Variants in GABRB1 observed in about 807,000 individuals in gnomAD.
GABRB1 encodes gamma-aminobutyric acid receptor subunit beta-1.
In GABRB1, 17 loss-of-function variants were observed where a neutral mutation model predicts 51.6. The observed-to-expected ratio is 0.33, with a 90% CI of 0.23 to 0.49. The LOEUF is 0.49. GABRB1 is among the 20% of genes least tolerant of loss of function. The probability of loss-of-function intolerance (pLI) is 0.99; values close to 1 mark genes in which losing one functional copy is unlikely to be tolerated. For missense variants in GABRB1, 410 were observed against 600.6 expected (o/e 0.68, Z 3.32); for synonymous variants, 247 against 218.9 (o/e 1.13, Z -1.14).
At chr4:47,185,060 T>A (rs564305489) in intron 4 of GABRB1, among the ~76,000 whole-genome samples, 1 of 151,956 alleles carries the variant, frequency 6.6e-6, no homozygotes, top group Non-Finnish European at 1.5e-5. Flanking sequence ...AGGCAATAAA[T>A]GTATCTTTAA....
rs147553239 is a variant in GABRB1, at chr4:47,161,422, T to C, written c.414T>C (p.Asn138=). Residue 138 remains asparagine (N), a synonymous_variant, in exon 4 of 9, where the codon AAT becomes AAC. Coordinates refer to ENST00000295454, the MANE Select transcript of GABRB1 (RefSeq NM_000812.4). ...TTGTGCATGGGGTCACAGTGAAAAA[T>C]CGAATGATTCGACTGCATCCTGATG... The part of the protein sequence containing the change: ...KSFVHGVTVK[N]RMIRLHPDGT... The C allele has an allele frequency of 6.3e-5, 101 of 1,612,598 alleles. No individual in the cohort carries two copies. Among genetic ancestry groups the C allele is most frequent in the Admixed American group, 1.5e-4 (9 of 59,842 alleles).
At position 47,354,980 on chromosome 4, in the gene GABRB1, G is replaced by GTTTTTTTTT. The variant is rs71195627; in HGVS notation, c.544+34788_544+34796dup. Among the ~76,000 whole-genome samples, 25 of 44,242 alleles carry GTTTTTTTTT rather than the reference G, an allele frequency of 5.7e-4. 5 individuals carry two copies. Among genetic ancestry groups the GTTTTTTTTT allele is most frequent in the African/African-American group, 2.1e-3 (21 of 10,208 alleles). The allele number at this position is 44,242 out of a possible 152,430, so 29.0% of individuals were successfully genotyped here. On this transcript the variant is annotated intron_variant, in intron 5 of 8. Coordinates refer to ENST00000295454, the MANE Select transcript of GABRB1 (RefSeq NM_000812.4). ...CCTTCCTTTCTTTCTTTCTTCCTTTGTTTTTTTTTTTTTTTTTTTTTTTTT... is the reference window on the plus strand; with the variant it reads ...CCTTCCTTTCTTTCTTTCTTCCTTTGTTTTTTTTTTTTTTTTTTTTTTTTTTTTTTTTTT...
chr4:47,222,681 T>A (rs1720809631), intron 4 of GABRB1, among the ~76,000 whole-genome samples: 1 of 152,110 alleles, frequency 6.6e-6, no homozygotes, highest in Admixed American at 6.6e-5. Context: ...ACTAGAAAAC[T>A]ACTGAGCTCA....
At chr4:47,143,897 GAGA>G (rs1295466940) in intron 3 of GABRB1, among the ~76,000 whole-genome samples, 3 of 151,590 alleles carry the variant, frequency 2.0e-5, no homozygotes, top group African/African-American at 7.3e-5. Flanking sequence ...ACTGAGAATA[GAGA>G]AGTTTTCTGT....
At chr4:47,384,142 A>C (rs1035465267) in intron 5 of GABRB1, among the ~76,000 whole-genome samples, 1 of 152,126 alleles carries the variant, frequency 6.6e-6, no homozygotes, top group African/African-American at 2.4e-5. Context: ...TCACCACGTA[A>C]AATTTTTGAA....
chr4:47,343,111 T>C (rs1560342407), intron 5 of GABRB1, among the ~76,000 whole-genome samples: 2 of 151,514 alleles, frequency 1.3e-5, no homozygotes, highest in South Asian at 4.2e-4. Context: ...TGTGCACGGC[T>C]AAATAGTATG....
Position 47,031,660 on chromosome 4 carries a change from A to C in GABRB1, c.9A>C (p.Thr3=). ...TTTAATCAGAGTTAGTAATGTGGAC[A>C]GTACAAAATCGAGAGAGTCTGGGGC... MW[T]VQNRESLGLL... is the part of the protein sequence containing the mutation. Residue 3 remains threonine, a synonymous_variant, in exon 1 of 9, where the codon ACA becomes ACC. Transcript: ENST00000295454. 1 of 1,612,510 alleles carries C rather than the reference A, an allele frequency of 6.2e-7. No individual in the cohort carries two copies. Among genetic ancestry groups the C allele is most frequent in the Non-Finnish European group, 8.5e-7 (1 of 1,178,474 alleles).
rs977752366 is a variant in GABRB1 at position 47,123,326 on chromosome 4, T to G, written c.241-37923T>G. ...TATGTATTATATAATATTATATATATTAGATAATATTATATAATATATATT... is the reference window on the plus strand; with the variant it reads ...TATGTATTATATAATATTATATATAGTAGATAATATTATATAATATATATT... On this transcript the variant is annotated intron_variant, in intron 3 of 8. Coordinates refer to ENST00000295454, the MANE Select transcript of GABRB1 (RefSeq NM_000812.4). 3.0e-5 allele frequency among the ~76,000 whole-genome samples: 4 copies of G among 135,198 alleles called. No individual in the cohort carries two copies. The South Asian group carries it at 8.6e-4, about 29-fold the overall frequency. The allele number at this position is 135,198 out of a possible 152,430, so 88.7% of individuals were successfully genotyped here.
chr4:47,270,669 T>C (rs1203931046), intron 4 of GABRB1, among the ~76,000 whole-genome samples: 1 of 152,214 alleles, frequency 6.6e-6, no homozygotes, highest in East Asian at 1.9e-4. Flanking sequence ...TTCAGCTAGC[T>C]GAAATGTTTC....
At chr4:47,278,033 C>T (rs991060314) in intron 4 of GABRB1, among the ~76,000 whole-genome samples, 2 of 152,070 alleles carry the variant, frequency 1.3e-5, no homozygotes, top group Non-Finnish European at 2.9e-5. Context: ...GAAGCCCCTG[C>T]TTTTACCACC....
At chr4:47,139,778 T>G (rs1214593069) in intron 3 of GABRB1, among the ~76,000 whole-genome samples, 3 of 151,960 alleles carry the variant, frequency 2.0e-5, no homozygotes, top group Non-Finnish European at 4.4e-5. Context: ...TGGGTCTTAT[T>G]AAAATGAAAA....
intron 3 of GABRB1, among the ~76,000 whole-genome samples, chr4:47,147,920 A>C (rs543848179): frequency 1.0e-3 from 152 of 152,242 alleles, no homozygotes; most frequent in Non-Finnish European, 1.6e-3. Flanking sequence ...TTGTATTTTT[A>C]TTCTCATAAC....
chr4:47,028,642 A>C (rs758809921), upstream of GABRB1, among the ~76,000 whole-genome samples: 3 of 151,408 alleles, frequency 2.0e-5, no homozygotes, highest in Non-Finnish European at 4.4e-5. Context: ...ATTGGAATGA[A>C]ATTTTTTTGA....
At chr4:47,157,363 T>C (rs1454681931) in intron 3 of GABRB1, among the ~76,000 whole-genome samples, 1 of 152,098 alleles carries the variant, frequency 6.6e-6, no homozygotes, top group Non-Finnish European at 1.5e-5. Flanking sequence ...AGAAAACTTG[T>C]TGTGTAAGAG....
chr4:47,283,194 A>G (rs1359205130), intron 4 of GABRB1, among the ~76,000 whole-genome samples: 1 of 151,924 alleles, frequency 6.6e-6, no homozygotes, highest in African/African-American at 2.4e-5. Context: ...ATTGGTTGAT[A>G]AGGTCTTGGC....
chr4:47,301,681 A>T (rs1724268461), intron 4 of GABRB1, among the ~76,000 whole-genome samples: 3 of 151,920 alleles, frequency 2.0e-5, no homozygotes, highest in Non-Finnish European at 4.4e-5. Flanking sequence ...TGAGAGATTT[A>T]TTAAGATGCT....
chr4:47,099,548 CT>C (rs903803729), intron 3 of GABRB1, among the ~76,000 whole-genome samples: 3 of 152,032 alleles, frequency 2.0e-5, no homozygotes, highest in African/African-American at 7.2e-5. Context: ...AGTAATAAAG[CT>C]TATGCTAAAA....
intron 1 of GABRB1, among the ~76,000 whole-genome samples, chr4:46,999,001 T>C (rs891662999): frequency 1.2e-4 from 19 of 152,094 alleles, no homozygotes; most frequent in Non-Finnish European, 1.5e-5. Context: ...AAACATTCCT[T>C]TAATTATGTT....
chr4:47,089,680 A>G (rs1728218432), intron 3 of GABRB1, among the ~76,000 whole-genome samples: 1 of 152,240 alleles, frequency 6.6e-6, no homozygotes, highest in South Asian at 2.1e-4. Context: ...ATAATCGAAT[A>G]GTATAATCAA....
Sources: gnomAD v4.1 joint callset for allele counts (sites outside exome capture counted in the v4.1 genomes callset) on GRCh38, gnomAD v4.1.1 for gene constraint, MANE v1.5 for transcripts, NCBI Gene and HGNC (gene_info 2026-07-23, HGNC 2026-07-21) for gene names.